The following XPNPEP1 variants were observed in gnomAD, a reference collection of about 807,000 sequenced individuals.
XPNPEP1 encodes the protein X-prolyl aminopeptidase 1, also known as xaa-Pro aminopeptidase 1.
XPNPEP1 carries 39 observed loss-of-function variants against 92.4 expected under a neutral mutation model. That is an observed-to-expected ratio of 0.42 (90% CI 0.33 to 0.55). The LOEUF (loss-of-function observed/expected upper bound fraction) is 0.55. XPNPEP1 is among the 20% of genes least tolerant of loss of function. The pLI, the probability that XPNPEP1 is intolerant of heterozygous loss-of-function variation, is 0.08. For missense variants in XPNPEP1, 654 were observed against 856.1 expected (o/e 0.76, Z 2.95); for synonymous variants, 307 against 299.4 (o/e 1.03, Z -0.26).
intron 14 of XPNPEP1, chr10:109,876,191 T>G (rs899230493): frequency 6.6e-6 from 1 of 152,320 alleles, no homozygotes; most frequent in Non-Finnish European, 1.5e-5. Context: ...CAAACAAACA[T>G]GAGGTATTTT....
Position 109,870,039 on chromosome 10 carries a change from A to T in XPNPEP1, c.1697-10T>A. On this transcript the variant is annotated splice_polypyrimidine_tract_variant and intron_variant, in intron 18 of 20. Coordinates refer to ENST00000502935, the MANE Select transcript of XPNPEP1 (RefSeq NM_020383.4). ...TCATAGTACCCGGGCTCTAAAACAA[A>T]CCAAATCCCAAAAATGAGAAGCAGC... 1 of 1,613,726 alleles carries T rather than the reference A, an allele frequency of 6.2e-7. No individual in the cohort carries two copies. Among genetic ancestry groups the T allele is most frequent in the Non-Finnish European group, 8.5e-7 (1 of 1,179,820 alleles).
chr10:109,873,302 C>A, intron 16 of XPNPEP1, 65 bp downstream of exon 16: 2 of 1,592,258 alleles, frequency 1.3e-6, no homozygotes, highest in South Asian at 2.2e-5. Flanking sequence ...AATCCCTTTT[C>A]ATAAAAGCAA....
Position 109,865,130 on chromosome 10 carries a change from C to T in XPNPEP1, c.*54G>A, listed in dbSNP as rs1487826871. On this transcript the variant is annotated 3_prime_UTR_variant, in exon 21 of 21. Coordinates refer to ENST00000502935, the MANE Select transcript of XPNPEP1 (RefSeq NM_020383.4). ...GGGGAAAGATGTCAGGGATCTGCCA[C>T]GTTTCTTCCTTCCTCCAGAGCATTT... 1.8e-5 allele frequency: 29 copies of T among 1,607,864 alleles called. No homozygotes were observed. Among genetic ancestry groups the T allele is most frequent in the East Asian group, 4.5e-5 (2 of 44,798 alleles).
chr10:109,888,288 G>C (rs1454476781), intron 6 of XPNPEP1, 96 bp from the exon 7 acceptor site: 2 of 1,495,830 alleles, frequency 1.3e-6, no homozygotes, highest in African/African-American at 2.8e-5. Context: ...CAGAAAGGTG[G>C]TCCTGCCATG....
intron 19 of XPNPEP1, 80 bp downstream of exon 19, chr10:109,869,873 C>T (rs1364173284): frequency 1.4e-6 from 2 of 1,389,720 alleles, no homozygotes; most frequent in Non-Finnish European, 2.0e-6. Flanking sequence ...TGCGCAGTGG[C>T]AGTATTGTAG....
Position 109,886,339 on chromosome 10 carries a change from T to A in XPNPEP1, c.655A>T (p.Ile219Phe), listed in dbSNP as rs757182008. ...LLTLGLDYTG[I>F]SWKDKVADLR... is the part of the protein sequence containing the mutation. ...TCTGCAACCTTGTCCTTCCAGGAGA[T>A]GCCTGCAAGAAACAAATGTGCTTTA... is the stretch of plus-strand genomic sequence containing the variant. The change falls in exon 8 of 21, where the codon ATC becomes TTC. Residue 219 changes from isoleucine (I) to phenylalanine (F), a missense_variant and splice_region_variant. Transcript: ENST00000502935. 29 of 1,613,912 alleles carry A rather than the reference T, an allele frequency of 1.8e-5. No homozygotes were observed. Among genetic ancestry groups the A allele is most frequent in the Non-Finnish European group, 3.4e-6 (4 of 1,179,982 alleles).
At chr10:109,914,588 G>A (rs1850070549) in intron 2 of XPNPEP1, among the ~76,000 whole-genome samples, 2 of 152,214 alleles carry the variant, frequency 1.3e-5, no homozygotes, top group East Asian at 3.9e-4. Context: ...CCTGAGGTCG[G>A]GAGTTCAAGA....
intron 1 of XPNPEP1, among the ~76,000 whole-genome samples, chr10:109,922,717 A>G (rs1338997009): frequency 1.3e-5 from 2 of 152,240 alleles, no homozygotes; most frequent in African/African-American, 4.8e-5. Context: ...CCACTTTGTC[A>G]GAGGCTCTGA....
chr10:109,893,024 C>T lies in XPNPEP1; in HGVS notation c.298G>A (p.Asp100Asn), dbSNP rs749228352. 3 of 1,613,686 alleles carry T rather than the reference C, an allele frequency of 1.9e-6. No homozygotes were observed. Among genetic ancestry groups the T allele is most frequent in the Middle Eastern group, 1.7e-4 (1 of 6,060 alleles). Residue 100 changes from aspartate to asparagine, a missense_variant, in exon 4 of 21, where the codon GAT becomes AAT. Physicochemically the swap from Asp to Asn is conservative, Grantham distance 23. Transcript: ENST00000502935. ...DCRRAFVSGF[D>N]GSAGTAIITE... The stretch of plus-strand genomic sequence containing the variant: ...AGTAGTGACTCACCCGCAGAGCCAT[C>T]GAATCCAGAGACAAAAGCCCGCCGA...
At chr10:109,870,055 G>A (rs1212531719) in intron 18 of XPNPEP1, 26 bp from the exon 19 acceptor site, 1 of 1,612,610 alleles carries the variant, frequency 6.2e-7, no homozygotes, top group South Asian at 1.1e-5. Flanking sequence ...TCCCAAAAAT[G>A]AGAAGCAGCC....
At chr10:109,868,804 G>T in intron 19 of XPNPEP1, 92 bp from the exon 20 acceptor site, 1 of 1,226,500 alleles carries the variant, frequency 8.2e-7, no homozygotes, top group Non-Finnish European at 1.2e-6. Context: ...ATCCCTCAGA[G>T]CCAGGGGTAA....
intron 3 of XPNPEP1, among the ~76,000 whole-genome samples, chr10:109,904,437 T>C (rs1420154970): frequency 6.6e-6 from 1 of 151,832 alleles, no homozygotes; most frequent in East Asian, 1.9e-4. Context: ...GAACAACATA[T>C]AAAGGTATTC....
intron 12 of XPNPEP1, among the ~76,000 whole-genome samples, chr10:109,879,644 A>G (rs1251796415): frequency 6.6e-6 from 1 of 152,172 alleles, no homozygotes; most frequent in Non-Finnish European, 1.5e-5. Flanking sequence ...CATGAGGGAA[A>G]AAGTTACACT....
rs1246280002 is a variant in XPNPEP1, at chr10:109,867,300, T to C, written c.1872+1314A>G. Among the ~76,000 whole-genome samples, 1 of 152,234 alleles carries C rather than the reference T, an allele frequency of 6.6e-6. No homozygotes were observed. The highest frequency in any genetic ancestry group is 1.5e-5 in the Non-Finnish European group (1 of 68,042). On this transcript the variant is annotated intron_variant, in intron 20 of 20. Transcript: ENST00000502935. The surrounding 1 kb of genome is among the most constrained non-coding windows in gnomAD (Gnocchi z 4.5). ...GGGCTGGACAAGAGCCCCTGGACAC[T>C]GGAAGGACTCTTCCTGCTGAAGAGA...
intron 8 of XPNPEP1, 36 bp downstream of exon 8, chr10:109,886,210 G>A (rs966705902): frequency 6.9e-6 from 11 of 1,605,514 alleles, no homozygotes; most frequent in Non-Finnish European, 9.4e-6. Flanking sequence ...GGAGAGATCG[G>A]GTAACATGCC....
chr10:109,915,738 A>T lies in XPNPEP1; in HGVS notation c.33-639T>A, dbSNP rs929123743. 3.3e-5 allele frequency among the ~76,000 whole-genome samples: 5 copies of T among 152,216 alleles called. No individual in the cohort carries two copies. In the South Asian group the frequency reaches 8.3e-4, roughly 25 times the overall value. Reference sequence around the variant, plus strand: ...CATTAATTTATTAGCTAGAAGATTTACACACAAACTTCTTGTTCCCATATG... The same window carrying T: ...CATTAATTTATTAGCTAGAAGATTTTCACACAAACTTCTTGTTCCCATATG... On this transcript the variant is annotated intron_variant, in intron 1 of 20. Coordinates refer to ENST00000502935, the MANE Select transcript of XPNPEP1 (RefSeq NM_020383.4).
At chr10:109,892,084 G>C (rs912378677) in intron 4 of XPNPEP1, among the ~76,000 whole-genome samples, 2 of 152,168 alleles carry the variant, frequency 1.3e-5, no homozygotes, top group Non-Finnish European at 2.9e-5. Context: ...GACTCCACTT[G>C]CACAGTATGA....
At chr10:109,866,970 T>C (rs756261596) in intron 20 of XPNPEP1, among the ~76,000 whole-genome samples, 1 of 152,204 alleles carries the variant, frequency 6.6e-6, no homozygotes, top group Non-Finnish European at 1.5e-5. Context: ...TTAAACTTCC[T>C]CATATACTAC....
At chr10:109,874,404 A>G (rs1847659625) in intron 15 of XPNPEP1, among the ~76,000 whole-genome samples, 1 of 152,224 alleles carries the variant, frequency 6.6e-6, no homozygotes, top group African/African-American at 2.4e-5. Flanking sequence ...AAAATATCCA[A>G]GTACATATCT....
Sources: allele counts gnomAD v4.1 joint callset (sites outside exome capture counted in the v4.1 genomes callset), GRCh38; gene constraint gnomAD v4.1.1; non-coding constraint Gnocchi (gnomAD v3.1); transcripts MANE v1.5; gene names NCBI Gene and HGNC (gene_info 2026-07-23, HGNC 2026-07-21).